RNF212: variants seen among roughly 807,000 people sequenced by gnomAD.
RNF212 encodes probable E3 SUMO-protein ligase RNF212.
In RNF212, 33 loss-of-function variants were observed where a neutral mutation model predicts 34.7. The observed-to-expected ratio is 0.95, with a 90% confidence interval of 0.72 to 1.27. The LOEUF (loss-of-function observed/expected upper bound fraction) is 1.27, where lower values mean the gene tolerates loss of function less well. Ranked by LOEUF, RNF212 falls within the 50% of genes most tolerant of loss-of-function variation. RNF212 has a pLI of 0.00. For synonymous variants in RNF212, 140 were observed against 136.1 expected, an observed-to-expected ratio of 1.03 and a Z score of -0.20; for missense variants, 377 against 362.2, an observed-to-expected ratio of 1.04 and a Z score of -0.33.
chr4:1,086,066 G>T (rs1191098572), intron 4 of RNF212, 112 bp from the exon 5 acceptor site: 4 of 794,076 alleles, frequency 5.0e-6, no homozygotes, highest in Non-Finnish European at 6.6e-6. Context: ...GCATGGAGTT[G>T]CCCTCACGCT....
At chr4:1,065,553 G>C (rs1718037769) in intron 3 of RNF212, among the ~76,000 whole-genome samples, 1 of 141,404 alleles carries the variant, frequency 7.1e-6, no homozygotes, top group African/African-American at 2.7e-5. Context: ...CTGCAGCCTT[G>C]ACCTCCCAGG....
At chr4:1,104,518 C>T (rs1724508671) in intron 2 of RNF212, among the ~76,000 whole-genome samples, 1 of 152,184 alleles carries the variant, frequency 6.6e-6, no homozygotes, top group African/African-American at 2.4e-5. Flanking sequence ...GTCTTCATTG[C>T]TCCTGCTTGC....
intron 3 of RNF212, among the ~76,000 whole-genome samples, chr4:1,059,136 G>C (rs532373791): frequency 1.1e-4 from 16 of 152,366 alleles, no homozygotes; most frequent in African/African-American, 3.8e-4. Flanking sequence ...CCAGTGCCCT[G>C]CCTGCTGCGG....
intron 2 of RNF212, among the ~76,000 whole-genome samples, chr4:1,097,461 C>A (rs748210235): frequency 4.6e-5 from 7 of 151,870 alleles, no homozygotes; most frequent in Non-Finnish European, 1.0e-4. Flanking sequence ...AAAAATTAGC[C>A]GGGCGTGGTG....
intron 3 of RNF212, among the ~76,000 whole-genome samples, chr4:1,066,299 T>C (rs1342554056): frequency 6.6e-6 from 1 of 152,192 alleles, no homozygotes; most frequent in Non-Finnish European, 1.5e-5. Context: ...ATCATTTGTG[T>C]ACTTTGCCTA....
At chr4:1,092,694 C>T (rs1055906761) in intron 3 of RNF212, among the ~76,000 whole-genome samples, 2 of 152,256 alleles carry the variant, frequency 1.3e-5, no homozygotes, top group African/African-American at 4.8e-5. Flanking sequence ...AACTCCAGGG[C>T]TGCGATGGTC....
chr4:1,083,097 C>G (rs671790), intron 5 of RNF212, among the ~76,000 whole-genome samples: 25,599 of 152,054 alleles, frequency 0.17, 3,286 homozygotes, highest in African/African-American at 0.36. Context: ...GCAGGCGATA[C>G]CAGGTATGTA....
intron 2 of RNF212, among the ~76,000 whole-genome samples, chr4:1,102,776 C>T (rs1031485105): frequency 2.6e-5 from 4 of 151,822 alleles, no homozygotes. Flanking sequence ...GGCGTGAACC[C>T]GGGAGGTGGA....
At position 1,072,736 on chromosome 4, in the gene RNF212, ATTGGGT is replaced by A; in HGVS notation, c.*132_*137del. 7.0e-7 allele frequency: 1 copy of A among 1,422,742 alleles called. No homozygotes were observed. The highest frequency in any genetic ancestry group is 9.2e-7 in the Non-Finnish European group (1 of 1,091,204). The allele number at this position is 1,422,742 out of a possible 1,614,324, so 88.1% of individuals were successfully genotyped here. A position where few individuals can be genotyped will look rare whatever the true frequency, so the allele number is the denominator to read the frequency against. ...GGTCAAATATAAAATTACAAAGCAA[ATTGGGT>A]AAAAGGTTAATATCCTGCACACTGA... On this transcript the variant is annotated 3_prime_UTR_variant, in exon 10 of 10. Coordinates refer to ENST00000433731, the MANE Select transcript of RNF212 (RefSeq NM_001131034.4).
At chr4:1,083,935 C>A (rs1720762651) in intron 5 of RNF212, among the ~76,000 whole-genome samples, 1 of 136,420 alleles carries the variant, frequency 7.3e-6, no homozygotes, top group Non-Finnish European at 1.5e-5. Flanking sequence ...AGTAATTCCA[C>A]ATTTTGTGCA....
At chr4:1,097,421 A>G (rs1302865391) in intron 2 of RNF212, among the ~76,000 whole-genome samples, 2 of 151,912 alleles carry the variant, frequency 1.3e-5, no homozygotes, top group East Asian at 3.9e-4. Context: ...TGTCTAACAC[A>G]GTGAAACCCC....
chr4:1,103,581 G>A (rs1474989577), intron 2 of RNF212, among the ~76,000 whole-genome samples: 3 of 151,666 alleles, frequency 2.0e-5, no homozygotes, highest in East Asian at 1.9e-4. Flanking sequence ...AGAATCTAAC[G>A]TGGGTTTCAA....
At chr4:1,069,323 T>A (rs548785643), downstream of RNF212, among the ~76,000 whole-genome samples, 2 of 152,216 alleles carry the variant, frequency 1.3e-5, no homozygotes, top group East Asian at 3.9e-4. Flanking sequence ...AATTAATACA[T>A]ATAGAAGGAA....
At chr4:1,105,480 C>G (rs1325842922) in intron 2 of RNF212, among the ~76,000 whole-genome samples, 1 of 152,270 alleles carries the variant, frequency 6.6e-6, no homozygotes, top group Non-Finnish European at 1.5e-5. Context: ...GGTGGTGACA[C>G]ACACTGCGAA....
chr4:1,083,030 T>A (rs926023356), intron 5 of RNF212, among the ~76,000 whole-genome samples: 1 of 152,048 alleles, frequency 6.6e-6, no homozygotes, highest in East Asian at 1.9e-4. Context: ...GGCGCAGCGG[T>A]CTGGGGCGGG....
rs538532285 is a variant in RNF212 at position 1,081,778 on chromosome 4, T to A, written c.363-159A>T. The A allele has an allele frequency of 1.1e-5, 7 of 622,130 alleles. No individual in the cohort carries two copies. The South Asian group carries it at 1.3e-4, about 12-fold the overall frequency. 38.5% of individuals were successfully genotyped at this position (622,130 alleles called of 1,614,324 possible). Reference sequence around the variant, plus strand: ...GAATTCAGCAGTTCCCATAGCGTCCTGTGAGTCGCACGGCCCTGCTCCTCC... The same window carrying A: ...GAATTCAGCAGTTCCCATAGCGTCCAGTGAGTCGCACGGCCCTGCTCCTCC... On this transcript the variant is annotated intron_variant, in intron 5 of 9. Transcript: ENST00000433731.
At chr4:1,068,093 C>T (rs938178877), downstream of RNF212, among the ~76,000 whole-genome samples, 1 of 152,094 alleles carries the variant, frequency 6.6e-6, no homozygotes, top group Non-Finnish European at 1.5e-5. Flanking sequence ...CAGACTTTCT[C>T]TGTAGAATTT....
intron 2 of RNF212, among the ~76,000 whole-genome samples, chr4:1,104,269 T>A (rs528749599): frequency 1.3e-5 from 2 of 152,346 alleles, no homozygotes; most frequent in East Asian, 3.9e-4. Context: ...CGAAGATGAA[T>A]GTAGGCCAAC....
Position 1,072,617 on chromosome 4 carries a change from G to GAA in RNF212, c.*255_*256dup. The stretch of plus-strand genomic sequence containing the variant: ...TTAGAAAAAAATGATTTAAGTATGT[G>GAA]AAAAAAAAACTCCCTAAGCATGAGA... On this transcript the variant is annotated 3_prime_UTR_variant, in exon 10 of 10. Transcript: ENST00000433731. 15 of 992,706 alleles carry GAA rather than the reference G, an allele frequency of 1.5e-5. No homozygotes were observed. The highest frequency in any genetic ancestry group is 5.4e-5 in the East Asian group (1 of 18,488). 61.5% of individuals were successfully genotyped at this position (992,706 alleles called of 1,614,324 possible).
Sources: allele counts gnomAD v4.1 joint callset (sites outside exome capture counted in the v4.1 genomes callset), GRCh38; gene constraint gnomAD v4.1.1; transcripts MANE v1.5; gene names NCBI Gene and HGNC (gene_info 2026-07-23, HGNC 2026-07-21).